ZFP1: variants seen among roughly 807,000 people sequenced by gnomAD.
The protein encoded by ZFP1 is zinc finger protein 1 homolog.
In ZFP1, 32 loss-of-function variants were observed where a neutral mutation model predicts 38.5. The ratio of observed to expected loss-of-function variants is 0.83; its 90% CI spans 0.63 to 1.12. The LOEUF is 1.12. ZFP1 is among the 50% of genes most tolerant of loss of function. The probability of loss-of-function intolerance (pLI) is 0.00; values close to 1 mark genes in which losing one functional copy is unlikely to be tolerated. For missense variants in ZFP1, 616 were observed against 480.8 expected (o/e 1.28, Z -2.63); for synonymous variants, 245 against 168.8 (o/e 1.45, Z -3.50).
rs2038340983 is a variant in ZFP1 at position 75,170,080 on chromosome 16, T to A, written c.970T>A (p.Tyr324Asn). Residue 324 changes from tyrosine (Y) to asparagine (N), a missense_variant, in exon 4 of 4, where the codon TAT becomes AAT. By Grantham distance (143) the Tyr-to-Asn change is moderately radical (BLOSUM62 -2). Coordinates refer to ENST00000570010, the MANE Select transcript of ZFP1 (RefSeq NM_153688.4). ...HQKIHTGEKR[Y>N]ECSECGKSFI... ...GAAGATTCACACGGGGGAGAAACGC[T>A]ATGAGTGCAGTGAATGTGGAAAATC... The A allele has an allele frequency of 6.2e-7, 1 of 1,614,186 alleles. No homozygotes were observed. Among genetic ancestry groups the A allele is most frequent in the Non-Finnish European group, 8.5e-7 (1 of 1,180,028 alleles).
chr16:75,160,502 T>C (rs1373486988), intron 2 of ZFP1, among the ~76,000 whole-genome samples: 1 of 151,644 alleles, frequency 6.6e-6, no homozygotes, highest in Non-Finnish European at 1.5e-5. Flanking sequence ...GTACTAAAAA[T>C]ACAAAAATTA....
the ZFP1 span, among the ~76,000 whole-genome samples, chr16:75,131,795 C>T: frequency 2.0e-5 from 3 of 151,900 alleles, no homozygotes; most frequent in African/African-American, 7.2e-5. Flanking sequence ...ACAACCCTGT[C>T]TCTACTAAAA....
the ZFP1 span, among the ~76,000 whole-genome samples, chr16:75,139,301 G>A: frequency 6.9e-6 from 1 of 143,942 alleles, no homozygotes; most frequent in Non-Finnish European, 1.5e-5. Flanking sequence ...CCCAGGAGTC[G>A]GAGCTTGCAG....
intron 2 of ZFP1, among the ~76,000 whole-genome samples, chr16:75,160,806 C>G (rs541465434): frequency 3.3e-5 from 5 of 152,156 alleles, no homozygotes; most frequent in Admixed American, 1.3e-4. Flanking sequence ...GTGCTGTGTC[C>G]TGGCATGGCA....
rs1237023120 is a variant in ZFP1 at position 75,170,623 on chromosome 16, TAAGA to T, written c.*292_*295del. 3.4e-6 allele frequency: 1 copy of T among 292,776 alleles called. No individual in the cohort carries two copies. 18.1% of individuals were successfully genotyped at this position (292,776 alleles called of 1,614,324 possible). ...GAATTGAGTATTCTAGACAGCAGCATAAGAAATATACAAACAGTATCCTATGAAT... is the reference window on the plus strand; with the variant it reads ...GAATTGAGTATTCTAGACAGCAGCATAATATACAAACAGTATCCTATGAAT... On this transcript the variant is annotated 3_prime_UTR_variant, in exon 4 of 4. Coordinates refer to ENST00000570010, the MANE Select transcript of ZFP1 (RefSeq NM_153688.4).
At chr16:75,126,503 A>G in the ZFP1 span, among the ~76,000 whole-genome samples, 1,041 of 152,264 alleles carry the variant, frequency 6.8e-3, 10 homozygotes, top group African/African-American at 0.024. Flanking sequence ...TCCCAGGTTC[A>G]AGTGATTCTC....
At chr16:75,146,320 G>T (rs895054596), upstream of ZFP1, among the ~76,000 whole-genome samples, 3 of 151,984 alleles carry the variant, frequency 2.0e-5, no homozygotes, top group African/African-American at 7.3e-5. Context: ...CCGCCACCAC[G>T]CCCGGCTAAT....
At chr16:75,143,447 T>A in the ZFP1 span, among the ~76,000 whole-genome samples, 41 of 152,088 alleles carry the variant, frequency 2.7e-4, no homozygotes, top group African/African-American at 9.2e-4. Context: ...GGTTTCAATA[T>A]GTTGGCCAGG....
chr16:75,129,143 T>C, the ZFP1 span, among the ~76,000 whole-genome samples: 2 of 152,210 alleles, frequency 1.3e-5, no homozygotes, highest in African/African-American at 4.8e-5. Flanking sequence ...ATGTGGCCTA[T>C]ATCAATTTTT....
intron 2 of ZFP1, among the ~76,000 whole-genome samples, chr16:75,161,858 C>T (rs1178181959): frequency 7.4e-6 from 1 of 135,966 alleles, no homozygotes; most frequent in East Asian, 2.3e-4. Context: ...GATCTAGGCT[C>T]ACTGCACCCT....
chr16:75,132,822 A>G, the ZFP1 span, among the ~76,000 whole-genome samples: 1 of 149,526 alleles, frequency 6.7e-6, no homozygotes, highest in African/African-American at 2.5e-5. Flanking sequence ...ACACATGGCT[A>G]GTATTTTTTT....
chr16:75,156,107 T>C (rs1216774452), intron 2 of ZFP1, among the ~76,000 whole-genome samples: 1 of 152,142 alleles, frequency 6.6e-6, no homozygotes, highest in African/African-American at 2.4e-5. Context: ...CTGGGAGCAA[T>C]GTGGCAACAC....
the ZFP1 span, among the ~76,000 whole-genome samples, chr16:75,135,782 G>T: frequency 6.6e-6 from 1 of 152,142 alleles, no homozygotes; most frequent in African/African-American, 2.4e-5. Flanking sequence ...AAACAATACA[G>T]ACAAGTTTTT....
chr16:75,120,512 T>A, the ZFP1 span, among the ~76,000 whole-genome samples: 1 of 151,958 alleles, frequency 6.6e-6, no homozygotes, highest in African/African-American at 2.4e-5. Context: ...TGTGGTTTTT[T>A]TTTGGGTTTT....
the ZFP1 span, among the ~76,000 whole-genome samples, chr16:75,132,123 C>A: frequency 6.6e-6 from 1 of 152,234 alleles, no homozygotes; most frequent in Non-Finnish European, 1.5e-5. Flanking sequence ...CATGGTGGCT[C>A]ACACTTGTCA....
In ZFP1 at chr16:75,169,657, C is replaced by G; in HGVS notation, c.547C>G (p.Pro183Ala). ...KHQKIKNLVQ[P>A]FICTYCDKAF... Reference sequence around the variant, plus strand: ...TCAGAAAATAAAAAACTTGGTTCAACCTTTCATTTGTACTTACTGTGACAA... The same window carrying G: ...TCAGAAAATAAAAAACTTGGTTCAAGCTTTCATTTGTACTTACTGTGACAA... The change falls in exon 4 of 4, where the codon CCT becomes GCT. Residue 183 changes from proline (P) to alanine (A), a missense_variant. Pro to Ala is a conservative substitution (Grantham distance 27). Transcript: ENST00000570010. 1 of 1,601,666 alleles carries G rather than the reference C, an allele frequency of 6.2e-7. No homozygotes were observed. Among genetic ancestry groups the G allele is most frequent in the Non-Finnish European group, 8.5e-7 (1 of 1,176,568 alleles).
intron 2 of ZFP1, among the ~76,000 whole-genome samples, chr16:75,164,511 GCTTT>G (rs1437875896): frequency 6.6e-6 from 1 of 152,054 alleles, no homozygotes; most frequent in Non-Finnish European, 1.5e-5. Flanking sequence ...GTTTGCTGTT[GCTTT>G]TTTTGCACAT....
At chr16:75,138,517 T>C in the ZFP1 span, among the ~76,000 whole-genome samples, 2 of 152,202 alleles carry the variant, frequency 1.3e-5, no homozygotes, top group Non-Finnish European at 2.9e-5. Flanking sequence ...TCGAATCACG[T>C]CCTCCCAAAG....
chr16:75,152,117 C>G (rs1014568449), intron 1 of ZFP1, among the ~76,000 whole-genome samples: 5 of 152,088 alleles, frequency 3.3e-5, no homozygotes, highest in African/African-American at 1.2e-4. Context: ...CTTTTTTCCT[C>G]TGGCTACTTT....
Sources: gnomAD v4.1 joint callset for allele counts (sites outside exome capture counted in the v4.1 genomes callset) on GRCh38, gnomAD v4.1.1 for gene constraint, MANE v1.5 for transcripts, NCBI Gene and HGNC (gene_info 2026-07-23, HGNC 2026-07-21) for gene names.